Variants in RCOR1 observed in about 807,000 individuals in gnomAD.
RCOR1 encodes REST corepressor 1.
In RCOR1, 12 loss-of-function variants were observed where a neutral mutation model predicts 64.0. The ratio of observed to expected loss-of-function variants is 0.19; its 90% CI spans 0.12 to 0.30. The LOEUF (loss-of-function observed/expected upper bound fraction) is 0.30. RCOR1 is among the 10% of genes least tolerant of loss of function. The probability of loss-of-function intolerance (pLI) is 1.00; values close to 1 mark genes in which losing one functional copy is unlikely to be tolerated. For missense variants in RCOR1, 502 were observed against 621.2 expected (o/e 0.81, Z 2.04); for synonymous variants, 279 against 227.2 (o/e 1.23, Z -2.05).
intron 2 of RCOR1, among the ~76,000 whole-genome samples, chr14:102,610,553 CTAT>C (rs781159203): frequency 2.8e-4 from 42 of 151,876 alleles, no homozygotes; most frequent in Non-Finnish European, 4.7e-4. Flanking sequence ...ATTATTATTG[CTAT>C]TATTATTATT....
intron 2 of RCOR1, among the ~76,000 whole-genome samples, chr14:102,646,384 T>C (rs1354123428): frequency 6.6e-6 from 1 of 151,550 alleles, no homozygotes; most frequent in Non-Finnish European, 1.5e-5. Context: ...AGTGAAGAAA[T>C]AGGAAATACA....
chr14:102,611,663 A>G (rs917757569), intron 2 of RCOR1, among the ~76,000 whole-genome samples: 1 of 152,154 alleles, frequency 6.6e-6, no homozygotes, highest in African/African-American at 2.4e-5. Context: ...TGAGATCAAA[A>G]CCATTTTAGT....
chr14:102,627,431 C>T (rs1197488031), intron 2 of RCOR1, among the ~76,000 whole-genome samples: 1 of 152,138 alleles, frequency 6.6e-6, no homozygotes, highest in Admixed American at 6.5e-5. Context: ...CCAAGGCTGG[C>T]GGATCACCTG....
chr14:102,645,730 G>A (rs144950482), intron 2 of RCOR1, among the ~76,000 whole-genome samples: 3 of 152,134 alleles, frequency 2.0e-5, no homozygotes, highest in Non-Finnish European at 4.4e-5. Flanking sequence ...AAATAATTCC[G>A]TGATTTCTGT....
chr14:102,635,820 C>T (rs1296913597), intron 2 of RCOR1, among the ~76,000 whole-genome samples: 4 of 152,104 alleles, frequency 2.6e-5, no homozygotes, highest in East Asian at 3.9e-4. Context: ...GGCGTGGTGT[C>T]ATGCACCTGT....
chr14:102,656,171 G>A (rs528529482), intron 2 of RCOR1: 3 of 936,950 alleles, frequency 3.2e-6, no homozygotes, highest in African/African-American at 1.8e-5. Context: ...ACAGAGTCTC[G>A]CTGTGTCGCC....
rs1394432109 is a variant in RCOR1 at position 102,730,104 on chromosome 14, T to C, written c.*3598T>C. The C allele has an allele frequency of 1.8e-5, 7 of 398,562 alleles. No individual in the cohort carries two copies. The highest frequency in any genetic ancestry group is 1.4e-4 in the African/African-American group (7 of 48,632). The allele number at this position is 398,562 out of a possible 1,614,324, so 24.7% of individuals were successfully genotyped here. ...GGAAGGTCAGCAGAGGCTATGCATGTTGTGTGATGATGAGTGTTTACAGCC... is the reference window on the plus strand; with the variant it reads ...GGAAGGTCAGCAGAGGCTATGCATGCTGTGTGATGATGAGTGTTTACAGCC... On this transcript the variant is annotated 3_prime_UTR_variant, in exon 12 of 12. Transcript: ENST00000262241.
chr14:102,710,867 C>A lies in RCOR1; in HGVS notation c.780-68C>A. 3.7e-6 allele frequency: 4 copies of A among 1,078,844 alleles called. No individual in the cohort carries two copies. The South Asian group carries it at 4.2e-5, about 11-fold the overall frequency. 66.8% of individuals were successfully genotyped at this position (1,078,844 alleles called of 1,614,324 possible). Reference sequence around the variant, plus strand: ...ATTAGTACAAAATTTTCAGTTAAATCAATTTATCGTTTGTATTCGGAAAAT... The same window carrying A: ...ATTAGTACAAAATTTTCAGTTAAATAAATTTATCGTTTGTATTCGGAAAAT... On this transcript the variant is annotated intron_variant, in intron 6 of 11. Coordinates refer to ENST00000262241, the MANE Select transcript of RCOR1 (RefSeq NM_015156.4).
Position 102,724,126 on chromosome 14 carries a change from G to C in RCOR1, c.1419+1710G>C, listed in dbSNP as rs1896218212. On this transcript the variant is annotated intron_variant, in intron 11 of 11. Transcript: ENST00000262241. Reference sequence around the variant, plus strand: ...TCAAAGTACCGTCTTTCTTTTCACAGTCTAGTTATGGCTCCTCCAAGCAGC... The same window carrying C: ...TCAAAGTACCGTCTTTCTTTTCACACTCTAGTTATGGCTCCTCCAAGCAGC... Among the ~76,000 whole-genome samples, 3 of 151,958 alleles carry C rather than the reference G, an allele frequency of 2.0e-5. No individual in the cohort carries two copies. The South Asian group carries it at 6.2e-4, about 32-fold the overall frequency.
chr14:102,686,513 C>T (rs1398291509), intron 3 of RCOR1, among the ~76,000 whole-genome samples: 5 of 152,138 alleles, frequency 3.3e-5, no homozygotes, highest in South Asian at 2.1e-4. Flanking sequence ...CTGTGGATTC[C>T]GACAAATGTA....
Position 102,721,084 on chromosome 14 carries a change from G to A in RCOR1, c.1131G>A (p.Glu377=), listed in dbSNP as rs1166372483. ...GAATAGAACCATATCGACTTCCAGA[G>A]GTAGGATTATGTTAACATCATCTTA... The part of the protein sequence containing the change: ...DGGIEPYRLP[E]VIQKCNARWT... Residue 377 remains glutamate, a splice_region_variant and synonymous_variant, in exon 9 of 12, where the codon GAG becomes GAA. Coordinates refer to ENST00000262241, the MANE Select transcript of RCOR1 (RefSeq NM_015156.4). 6.5e-7 allele frequency: 1 copy of A among 1,542,584 alleles called. No homozygotes were observed. The highest frequency in any genetic ancestry group is 2.3e-5 in the East Asian group (1 of 44,314).
In RCOR1 at chr14:102,726,809, C is replaced by G. The variant is rs900922841; in HGVS notation, c.*303C>G. On this transcript the variant is annotated 3_prime_UTR_variant, in exon 12 of 12. Coordinates refer to ENST00000262241, the MANE Select transcript of RCOR1 (RefSeq NM_015156.4). ...CCTCTCCCGCCGGAGCCCCCGAGCC[C>G]CACCAATGGCAGCTCTTCCCAGTCA... 6 of 370,324 alleles carry G rather than the reference C, an allele frequency of 1.6e-5. No individual in the cohort carries two copies. The highest frequency in any genetic ancestry group is 2.9e-5 in the Non-Finnish European group (6 of 207,376). 22.9% of individuals were successfully genotyped at this position (370,324 alleles called of 1,614,324 possible).
intron 2 of RCOR1, among the ~76,000 whole-genome samples, chr14:102,601,539 G>A (rs567382894): frequency 1.3e-5 from 2 of 152,180 alleles, no homozygotes; most frequent in Non-Finnish European, 2.9e-5. Context: ...CCTTTACACT[G>A]GAAGCATGTG....
intron 2 of RCOR1, among the ~76,000 whole-genome samples, chr14:102,636,109 T>C (rs1052163776): frequency 6.6e-5 from 10 of 151,766 alleles, no homozygotes; most frequent in Admixed American, 5.9e-4. Context: ...ATTTTTTGTT[T>C]TTGTATTTTT....
intron 2 of RCOR1, among the ~76,000 whole-genome samples, chr14:102,672,707 G>C (rs1421296413): frequency 6.6e-6 from 1 of 152,190 alleles, no homozygotes; most frequent in Non-Finnish European, 1.5e-5. Flanking sequence ...CACAGTGAGA[G>C]ACTACTTCAC....
intron 2 of RCOR1, among the ~76,000 whole-genome samples, chr14:102,612,292 G>A (rs1230271093): frequency 6.6e-6 from 1 of 152,124 alleles, no homozygotes; most frequent in Non-Finnish European, 1.5e-5. Flanking sequence ...GCCTCCCAAA[G>A]GTGCTAGGAT....
rs978051209 is a variant in RCOR1, at chr14:102,729,299, T to C, written c.*2793T>C. On this transcript the variant is annotated 3_prime_UTR_variant, in exon 12 of 12. Transcript: ENST00000262241. ...TGTTAGGTAAAATTTTTTTCACTTA[T>C]CCATTTAAACACCTTGTTACTTGAA... 1 of 152,698 alleles carries C rather than the reference T, an allele frequency of 6.5e-6. No homozygotes were observed. The highest frequency in any genetic ancestry group is 2.4e-5 in the African/African-American group (1 of 41,468). 9.5% of individuals were successfully genotyped at this position (152,698 alleles called of 1,614,324 possible).
At chr14:102,609,557 A>G (rs1893583902) in intron 2 of RCOR1, among the ~76,000 whole-genome samples, 1 of 151,974 alleles carries the variant, frequency 6.6e-6, no homozygotes, top group Admixed American at 6.6e-5. Context: ...CTCCTGCCTC[A>G]GCTTCCTGAG....
chr14:102,717,331 A>AGTAGACCAAC (rs1209162756), intron 8 of RCOR1, among the ~76,000 whole-genome samples: 2 of 152,222 alleles, frequency 1.3e-5, no homozygotes, highest in Non-Finnish European at 2.9e-5. Context: ...ACCAACTGTC[A>AGTAGACCAAC]TCTCATAGAC....
Sources: allele counts gnomAD v4.1 joint callset (sites outside exome capture counted in the v4.1 genomes callset), GRCh38; gene constraint gnomAD v4.1.1; transcripts MANE v1.5; gene names NCBI Gene and HGNC (gene_info 2026-07-23, HGNC 2026-07-21).